Variants in IRAK3 observed in about 807,000 individuals in gnomAD.
IRAK3 encodes the protein interleukin 1 receptor associated kinase 3, also known as interleukin-1 receptor-associated kinase 3.
A neutral mutation model predicts 56.6 loss-of-function variants in IRAK3; 57 were observed. The observed-to-expected ratio is 1.01, with a 90% CI of 0.81 to 1.26. IRAK3 has a LOEUF of 1.26. Among genes scored for constraint, IRAK3 ranks in the 50% most tolerant of loss-of-function variants. IRAK3 has a pLI of 0.00. For synonymous variants in IRAK3, 258 were observed against 255.7 expected (o/e 1.01, Z -0.09); for missense variants, 703 against 719.0 (o/e 0.98, Z 0.25).
At chr12:66,210,314 G>A (rs996690679) in intron 4 of IRAK3, 113 bp downstream of exon 4, 85 of 671,364 alleles carry the variant, frequency 1.3e-4, no homozygotes, top group African/African-American at 4.4e-4. Flanking sequence ...ATTCAAATTC[G>A]GTATAAAATT....
chr12:66,220,726 T>C (rs1434965453), intron 6 of IRAK3, among the ~76,000 whole-genome samples: 2 of 151,812 alleles, frequency 1.3e-5, no homozygotes, highest in East Asian at 3.9e-4. Context: ...TTCACCGTTT[T>C]AGCCGGGACG....
intron 7 of IRAK3, 77 bp downstream of exon 7, chr12:66,226,914 A>T: frequency 1.1e-6 from 1 of 882,674 alleles, no homozygotes; most frequent in East Asian, 2.5e-5. Context: ...CGTCTGGGAG[A>T]GTTGGGAGGC....
At chr12:66,201,955 C>T (rs1383713033) in intron 1 of IRAK3, among the ~76,000 whole-genome samples, 4 of 152,090 alleles carry the variant, frequency 2.6e-5, no homozygotes, top group Non-Finnish European at 4.4e-5. Context: ...TAACTGGATG[C>T]GCTTATGCTA....
At chr12:66,201,506 C>T (rs1224396312) in intron 1 of IRAK3, among the ~76,000 whole-genome samples, 1 of 152,172 alleles carries the variant, frequency 6.6e-6, no homozygotes, top group African/African-American at 2.4e-5. Context: ...TTTTAGTGCT[C>T]AATATTCCAG....
chr12:66,217,893 T>C lies in IRAK3; in HGVS notation c.653+658T>C, dbSNP rs187315693. On this transcript the variant is annotated intron_variant, in intron 6 of 11. Coordinates refer to ENST00000261233, the MANE Select transcript of IRAK3 (RefSeq NM_007199.3). ...AGAAGGCATTATACTGAATCCATTT[T>C]CTTTTATACTGAAGACCAGAAATCA... is the stretch of plus-strand genomic sequence containing the variant. Among the ~76,000 whole-genome samples the C allele has an allele frequency of 1.2e-3, 188 of 152,300 alleles. 2 individuals are homozygous for C. The highest frequency in any genetic ancestry group is 4.5e-3 in the African/African-American group (187 of 41,568).
chr12:66,234,151 C>T (rs2052876875), intron 8 of IRAK3: 14 of 1,614,092 alleles, frequency 8.7e-6, no homozygotes, highest in Non-Finnish European at 1.1e-5. Context: ...CACTTGCCTC[C>T]TCAACAGGAG....
At chr12:66,201,017 A>G (rs913592612) in intron 1 of IRAK3, among the ~76,000 whole-genome samples, 1 of 152,136 alleles carries the variant, frequency 6.6e-6, no homozygotes, top group Non-Finnish European at 1.5e-5. Context: ...GGGTTTCACC[A>G]TGTTGGCCAG....
Position 66,226,714 on chromosome 12 carries a change from T to C in IRAK3, c.654-9T>C, listed in dbSNP as rs996825339. 1 of 1,499,874 alleles carries C rather than the reference T, an allele frequency of 6.7e-7. No individual in the cohort carries two copies. Among genetic ancestry groups the C allele is most frequent in the South Asian group, 1.1e-5 (1 of 88,814 alleles). 92.9% of individuals were successfully genotyped at this position (1,499,874 alleles called of 1,614,324 possible). ...AATTTGATGGCTTTAAAACATCTTT[T>C]GTTTCAAGGTTTCATCACCCAAACA... On this transcript the variant is annotated splice_polypyrimidine_tract_variant and intron_variant, in intron 6 of 11. Coordinates refer to ENST00000261233, the MANE Select transcript of IRAK3 (RefSeq NM_007199.3).
In IRAK3 at chr12:66,252,304, C is replaced by G. The variant is rs2053107982; in HGVS notation, c.*4133C>G. 1 of 152,202 alleles carries G rather than the reference C, an allele frequency of 6.6e-6. No homozygotes were observed. The highest frequency in any genetic ancestry group is 1.5e-5 in the Non-Finnish European group (1 of 68,038). The allele number at this position is 152,202 out of a possible 1,614,324, so 9.4% of individuals were successfully genotyped here. On this transcript the variant is annotated 3_prime_UTR_variant, in exon 12 of 12. Transcript: ENST00000261233. Reference sequence around the variant, plus strand: ...AGATCTGGAGGAGCCAGGATTTGAACTCACATTTGTCTGACTTCAAAATCC... The same window carrying G: ...AGATCTGGAGGAGCCAGGATTTGAAGTCACATTTGTCTGACTTCAAAATCC...
chr12:66,216,070 C>T (rs1260297552), intron 5 of IRAK3, among the ~76,000 whole-genome samples: 5 of 152,144 alleles, frequency 3.3e-5, no homozygotes, highest in Non-Finnish European at 5.9e-5. Flanking sequence ...TTCTCGGCAG[C>T]TCCTAATGAA....
chr12:66,208,459 T>C (rs1046934231), intron 2 of IRAK3, among the ~76,000 whole-genome samples: 8 of 152,186 alleles, frequency 5.3e-5, no homozygotes, highest in African/African-American at 1.9e-4. Context: ...AAAATATATG[T>C]GCAAAAATGC....
intron 8 of IRAK3, among the ~76,000 whole-genome samples, chr12:66,238,476 T>C (rs2052930951): frequency 6.6e-6 from 1 of 152,214 alleles, no homozygotes; most frequent in Non-Finnish European, 1.5e-5. Context: ...ATTCCATGTT[T>C]GTGTGAGTCC....
chr12:66,235,912 CAT>C (rs1423274729), intron 8 of IRAK3, among the ~76,000 whole-genome samples: 3 of 152,080 alleles, frequency 2.0e-5, no homozygotes, highest in African/African-American at 4.8e-5. Flanking sequence ...CTAGCAATAA[CAT>C]AAAATTTATT....
chr12:66,205,115 T>A (rs972699693), intron 2 of IRAK3, among the ~76,000 whole-genome samples: 9 of 152,346 alleles, frequency 5.9e-5, no homozygotes, highest in African/African-American at 1.9e-4. Context: ...CCCACATGGC[T>A]TGCTGTTCAC....
rs2053110320 is a variant in IRAK3 at position 66,252,494 on chromosome 12, C to G, written c.*4323C>G. On this transcript the variant is annotated 3_prime_UTR_variant, in exon 12 of 12. Coordinates refer to ENST00000261233, the MANE Select transcript of IRAK3 (RefSeq NM_007199.3). ...CTACTCCTCTGCTACAACTTCTCTG[C>G]TACAGGCACCCACTGCAGTTACTTG... 6.6e-6 allele frequency: 1 copy of G among 152,242 alleles called. No individual in the cohort carries two copies. 9.4% of individuals were successfully genotyped at this position (152,242 alleles called of 1,614,324 possible).
chr12:66,203,899 T>C lies in IRAK3; in HGVS notation c.316+6T>C. On this transcript the variant is annotated splice_donor_region_variant and intron_variant, in intron 2 of 11. Transcript: ENST00000261233. ...TCATTTAATTACAAACTATGGTAAATGCTGATTCTTATAATGTGGCTCTTA... is the reference window on the plus strand; with the variant it reads ...TCATTTAATTACAAACTATGGTAAACGCTGATTCTTATAATGTGGCTCTTA... 1 of 1,609,370 alleles carries C rather than the reference T, an allele frequency of 6.2e-7. No individual in the cohort carries two copies. Among genetic ancestry groups the C allele is most frequent in the South Asian group, 1.1e-5 (1 of 90,988 alleles).
At chr12:66,223,666 A>G (rs2052758108) in intron 6 of IRAK3, among the ~76,000 whole-genome samples, 1 of 151,832 alleles carries the variant, frequency 6.6e-6, no homozygotes, top group Non-Finnish European at 1.5e-5. Flanking sequence ...CTCAAAAAAA[A>G]AAAAAGTTAT....
rs11465974 is a variant in IRAK3 at position 66,234,368 on chromosome 12, G to A, written c.887+5998G>A. 5.4e-4 allele frequency: 872 copies of A among 1,612,322 alleles called. 9 individuals are homozygous for A. The African/African-American group carries it at 9.9e-3, about 18-fold the overall frequency. On this transcript the variant is annotated intron_variant, in intron 8 of 11. Coordinates refer to ENST00000261233, the MANE Select transcript of IRAK3 (RefSeq NM_007199.3). Reference sequence around the variant, plus strand: ...GGGGTGCTGTAGAATATATGGTTGAGGTTGCGTCCAAGAAGGACTTTGCAC... The same window carrying A: ...GGGGTGCTGTAGAATATATGGTTGAAGTTGCGTCCAAGAAGGACTTTGCAC...
intron 8 of IRAK3, among the ~76,000 whole-genome samples, chr12:66,229,508 T>G (rs1488281992): frequency 1.3e-5 from 2 of 152,362 alleles, no homozygotes; most frequent in Middle Eastern, 3.4e-3. Context: ...GATTGCTTAC[T>G]TGTTTTTCTG....
Sources: gnomAD v4.1 joint callset for allele counts (sites outside exome capture counted in the v4.1 genomes callset) on GRCh38, gnomAD v4.1.1 for gene constraint, MANE v1.5 for transcripts, NCBI Gene and HGNC (gene_info 2026-07-23, HGNC 2026-07-21) for gene names.